ASIC2: variants seen among roughly 807,000 people sequenced by gnomAD.
ASIC2 encodes the protein acid sensing ion channel subunit 2.
In ASIC2, 25 loss-of-function variants were observed where a neutral mutation model predicts 57.3. The observed-to-expected ratio is 0.44, with a 90% CI of 0.32 to 0.61. The LOEUF (loss-of-function observed/expected upper bound fraction) is 0.61, where lower values mean the gene tolerates loss of function less well. ASIC2 is among the 20% of genes least tolerant of loss of function. ASIC2 has a pLI of 0.06. For missense variants in ASIC2, 641 were observed against 738.1 expected, an observed-to-expected ratio of 0.87 and a Z score of 1.52; for synonymous variants, 319 against 307.5, an observed-to-expected ratio of 1.04 and a Z score of -0.39.
chr17:33,295,691 GACC>G (rs1905694833), upstream of ASIC2, among the ~76,000 whole-genome samples: 1 of 152,144 alleles, frequency 6.6e-6, no homozygotes, highest in African/African-American at 2.4e-5. Flanking sequence ...TTAGCACAGT[GACC>G]TAGCACGTTG....
chr17:33,818,669 C>T (rs1912659029), intron 1 of ASIC2, among the ~76,000 whole-genome samples: 1 of 152,190 alleles, frequency 6.6e-6, no homozygotes, highest in Non-Finnish European at 1.5e-5. Context: ...ACAGGACTGC[C>T]CCCACAACAA....
At chr17:33,646,951 G>A (rs1428464410) in intron 1 of ASIC2, among the ~76,000 whole-genome samples, 2 of 152,118 alleles carry the variant, frequency 1.3e-5, no homozygotes, top group Admixed American at 6.5e-5. Context: ...AGTCTGAGAA[G>A]GCTCCTTGTG....
chr17:33,781,147 G>A (rs966259618), intron 1 of ASIC2, among the ~76,000 whole-genome samples: 7 of 152,280 alleles, frequency 4.6e-5, no homozygotes, highest in South Asian at 4.1e-4. Flanking sequence ...CTTTCTCCCA[G>A]CCCTGCTTCC....
intron 2 of ASIC2, among the ~76,000 whole-genome samples, chr17:33,108,640 A>T (rs1445874327): frequency 6.6e-6 from 1 of 152,208 alleles, no homozygotes; most frequent in Non-Finnish European, 1.5e-5. Flanking sequence ...CTGGCCTAGG[A>T]AATAAGCAGC....
At chr17:33,209,215 A>G (rs1002129594) in intron 1 of ASIC2, among the ~76,000 whole-genome samples, 3 of 152,200 alleles carry the variant, frequency 2.0e-5, no homozygotes, top group Admixed American at 2.0e-4. Context: ...TCTTTCTCCC[A>G]GTCTTCTGCC....
chr17:33,190,037 T>G (rs1278772862), intron 1 of ASIC2, among the ~76,000 whole-genome samples: 4 of 152,086 alleles, frequency 2.6e-5, no homozygotes, highest in African/African-American at 7.2e-5. Context: ...TCCTAACTAG[T>G]GCAGTAAGAC....
In ASIC2 at chr17:33,121,334, C is replaced by T. The variant is rs373386154; in HGVS notation, c.709-9267G>A. On this transcript the variant is annotated intron_variant, in intron 1 of 9. Transcript: ENST00000225823. ...CAGACATGAGCCACCCTTTAGGAAT[C>T]ACCCAGTGGGGAGGGTGGCCTGCAG... Among the ~76,000 whole-genome samples the T allele has an allele frequency of 2.6e-5, 4 of 152,332 alleles. No homozygotes were observed. In the South Asian group the frequency reaches 8.3e-4, roughly 32 times the overall value.
intron 3 of ASIC2, among the ~76,000 whole-genome samples, chr17:33,086,737 G>T (rs1199733327): frequency 1.3e-5 from 2 of 152,036 alleles, no homozygotes; most frequent in East Asian, 1.9e-4. Context: ...GCTGCCAAGA[G>T]AATTTACTCT....
chr17:34,095,608 T>TAC (rs1491398652), intron 1 of ASIC2, among the ~76,000 whole-genome samples: 2 of 10,392 alleles, frequency 1.9e-4, no homozygotes, highest in Non-Finnish European at 5.3e-4. Context: ...AGGCAAATTT[T>TAC]ATATATATAT....
chr17:33,608,069 A>G (rs1365253314), intron 1 of ASIC2, among the ~76,000 whole-genome samples: 1 of 152,162 alleles, frequency 6.6e-6, no homozygotes, highest in African/African-American at 2.4e-5. Flanking sequence ...GTTATAGGAA[A>G]TACAATCGGG....
chr17:33,724,062 G>T (rs542260520), intron 1 of ASIC2, among the ~76,000 whole-genome samples: 1 of 152,180 alleles, frequency 6.6e-6, no homozygotes, highest in Admixed American at 6.5e-5. Context: ...AATCATGGGG[G>T]TGGGTCTTTC....
At chr17:33,055,616 A>G (rs1598255916) in intron 3 of ASIC2, among the ~76,000 whole-genome samples, 1 of 152,144 alleles carries the variant, frequency 6.6e-6, no homozygotes, top group African/African-American at 2.4e-5. Context: ...GGCTTAAGCG[A>G]TCTTTCCTTT....
intron 3 of ASIC2, among the ~76,000 whole-genome samples, chr17:33,033,338 G>T (rs553843564): frequency 6.6e-6 from 1 of 152,174 alleles, no homozygotes; most frequent in African/African-American, 2.4e-5. Flanking sequence ...CAACAGGCAG[G>T]ATCTGCCTTC....
At chr17:33,264,049 C>T (rs1909377301) in intron 1 of ASIC2, among the ~76,000 whole-genome samples, 1 of 152,224 alleles carries the variant, frequency 6.6e-6, no homozygotes, top group Admixed American at 6.5e-5. Context: ...CCTGGGCCGG[C>T]CTTTCTGCAT....
intron 1 of ASIC2, among the ~76,000 whole-genome samples, chr17:33,261,742 G>A (rs373246597): frequency 1.4e-4 from 21 of 152,190 alleles, no homozygotes; most frequent in Admixed American, 5.9e-4. Context: ...TGACTTGCAA[G>A]CAGTCAGCTG....
At chr17:33,037,078 T>A (rs2091911540) in intron 3 of ASIC2, among the ~76,000 whole-genome samples, 1 of 148,050 alleles carries the variant, frequency 6.8e-6, no homozygotes, top group African/African-American at 2.5e-5. Flanking sequence ...GTAACAAACC[T>A]TCACATGTAC....
rs117312467 is a variant in ASIC2, at chr17:33,748,682, T to A, written c.555+407296A>T. Among the ~76,000 whole-genome samples, 86 of 152,214 alleles carry A rather than the reference T, an allele frequency of 5.6e-4. 1 individual carries two copies. In the East Asian group the frequency reaches 0.016, roughly 29 times the overall value. On this transcript the variant is annotated intron_variant, in intron 1 of 9. Coordinates refer to the ASIC2 transcript ENST00000359872. Reference sequence around the variant, plus strand: ...TCCACCTCCCACCTTCTGGGCCACATGAGAATAGAAGCTGCCCTCATGATC... The same window carrying A: ...TCCACCTCCCACCTTCTGGGCCACAAGAGAATAGAAGCTGCCCTCATGATC...
chr17:33,975,187 G>A (rs564786221), intron 1 of ASIC2, among the ~76,000 whole-genome samples: 20 of 152,284 alleles, frequency 1.3e-4, no homozygotes, highest in Non-Finnish European at 2.1e-4. Flanking sequence ...AATTGAGACC[G>A]TCTCCTGTTC....
chr17:33,125,188 T>G (rs1391365185), intron 1 of ASIC2, among the ~76,000 whole-genome samples: 1 of 152,190 alleles, frequency 6.6e-6, no homozygotes, highest in Non-Finnish European at 1.5e-5. Context: ...GGGTCACAAC[T>G]TGAGGGCTTG....
Sources: allele counts gnomAD v4.1 joint callset (sites outside exome capture counted in the v4.1 genomes callset), GRCh38; gene constraint gnomAD v4.1.1; transcripts MANE v1.5; gene names NCBI Gene and HGNC (gene_info 2026-07-23, HGNC 2026-07-21).